Variants in GSE1 observed in about 807,000 individuals in gnomAD.
The protein encoded by GSE1 is Gse1 coiled-coil protein.
In GSE1, 32 loss-of-function variants were observed where a neutral mutation model predicts 112.6. The observed-to-expected ratio is 0.28, with a 90% CI of 0.21 to 0.38. GSE1 has a LOEUF of 0.38. GSE1 is among the 10% of genes least tolerant of loss of function. The pLI is 1.00. For synonymous variants in GSE1, 1,115 were observed against 735.6 expected, an observed-to-expected ratio of 1.52 and a Z score of -8.35; for missense variants, 2,348 against 1,699.2, an observed-to-expected ratio of 1.38 and a Z score of -6.71.
chr16:85,383,990 G>A (rs2047627321), intron 2 of GSE1, among the ~76,000 whole-genome samples: 1 of 152,104 alleles, frequency 6.6e-6, no homozygotes, highest in Non-Finnish European at 1.5e-5. Flanking sequence ...CTGCTTCAAA[G>A]CCTCTTGGGC....
At chr16:85,314,926 G>A (rs557711009) in intron 1 of GSE1, among the ~76,000 whole-genome samples, 11 of 152,300 alleles carry the variant, frequency 7.2e-5, no homozygotes, top group East Asian at 5.8e-4. Context: ...ACGGCCCTGC[G>A]TTTGCCATTT....
chr16:85,420,656 G>C (rs2048819322), intron 2 of GSE1, among the ~76,000 whole-genome samples: 1 of 152,184 alleles, frequency 6.6e-6, no homozygotes, highest in Admixed American at 6.5e-5. Context: ...GGCCCACCGG[G>C]CATGCTGGTG....
At chr16:85,249,438 G>C (rs1016545798) in intron 1 of GSE1, among the ~76,000 whole-genome samples, 1 of 152,240 alleles carries the variant, frequency 6.6e-6, no homozygotes, top group African/African-American at 2.4e-5. Flanking sequence ...CCCGAGGTGA[G>C]GCTGCCGTCA....
intron 1 of GSE1, among the ~76,000 whole-genome samples, chr16:85,572,524 G>A (rs901744740): frequency 8.0e-5 from 12 of 150,628 alleles, no homozygotes; most frequent in African/African-American, 1.5e-4. Context: ...CACACACACC[G>A]CACACACATA....
In GSE1 at chr16:85,646,383, G is replaced by A. The variant is rs146868710; in HGVS notation, c.227-2169G>A. On this transcript the variant is annotated intron_variant, in intron 2 of 15. Coordinates refer to ENST00000253458, the MANE Select transcript of GSE1 (RefSeq NM_014615.5). ...TCTGTCCCCGTGGGCCCAAGTGCAA[G>A]CTTGCACAGCTGCTGTGACACGGGG... is the stretch of plus-strand genomic sequence containing the variant. 9.8e-4 allele frequency among the ~76,000 whole-genome samples: 150 copies of A among 152,378 alleles called. 1 individual carries two copies. In the East Asian group the frequency reaches 0.021, roughly 21 times the overall value.
intron 1 of GSE1, among the ~76,000 whole-genome samples, chr16:85,295,192 G>T (rs1450939586): frequency 6.6e-6 from 1 of 152,146 alleles, no homozygotes; most frequent in East Asian, 1.9e-4. Flanking sequence ...TCCATGCCCC[G>T]CTTCCCAGGG....
intron 2 of GSE1, among the ~76,000 whole-genome samples, chr16:85,512,975 C>T (rs1163430301): frequency 2.6e-5 from 4 of 152,050 alleles, no homozygotes; most frequent in African/African-American, 7.3e-5. Flanking sequence ...GACCCTAAAC[C>T]CCAGCTGCCA....
intron 2 of GSE1, among the ~76,000 whole-genome samples, chr16:85,523,877 C>G (rs543529265): frequency 6.6e-6 from 1 of 152,184 alleles, no homozygotes; most frequent in African/African-American, 2.4e-5. Context: ...CTGCGGGAGG[C>G]GGGGTCAACA....
intron 1 of GSE1, among the ~76,000 whole-genome samples, chr16:85,622,409 G>A (rs1388766719): frequency 6.6e-6 from 1 of 152,216 alleles, no homozygotes; most frequent in Non-Finnish European, 1.5e-5. Context: ...CCTCTGTCCA[G>A]GCAGGTCATA....
intron 2 of GSE1, among the ~76,000 whole-genome samples, chr16:85,370,093 T>C (rs1217698585): frequency 1.1e-4 from 16 of 152,162 alleles, no homozygotes; most frequent in Admixed American, 1.0e-3. Flanking sequence ...AGGGGCTGGA[T>C]ACTGGCCGGA....
Position 85,189,459 on chromosome 16 carries a change from G to A in GSE1, c.2283+17652G>A, listed in dbSNP as rs568974970. Among the ~76,000 whole-genome samples the A allele has an allele frequency of 1.1e-4, 17 of 152,296 alleles. 1 individual carries two copies. In the South Asian group the frequency reaches 3.5e-3, roughly 32 times the overall value. On this transcript the variant is annotated intron_variant, in intron 1 of 2. Coordinates refer to the GSE1 transcript ENST00000637419. ...GCATTCCTGAAAAGCACTGCACTTG[G>A]CAAAATCACAGCTGGCAAGATCAAA...
In GSE1 at chr16:85,556,671, G is replaced by A. The variant is rs891183971; in HGVS notation, c.37+308G>A. Reference sequence around the variant, plus strand: ...CCGCGGCGGCGGAGCGAGCGGCCGAGGCACTTAAACCTTCCAAGGTGAAGT... The same window carrying A: ...CCGCGGCGGCGGAGCGAGCGGCCGAAGCACTTAAACCTTCCAAGGTGAAGT... On this transcript the variant is annotated intron_variant, in intron 1 of 2. Coordinates refer to the GSE1 transcript ENST00000635906. Among the ~76,000 whole-genome samples the A allele has an allele frequency of 5.3e-5, 8 of 150,974 alleles. 1 individual carries two copies. The highest frequency in any genetic ancestry group is 8.9e-5 in the Non-Finnish European group (6 of 67,590).
intron 2 of GSE1, among the ~76,000 whole-genome samples, chr16:85,388,644 G>GTGGATGGATGGA (rs113197005): frequency 2.0e-5 from 3 of 148,952 alleles, no homozygotes; most frequent in African/African-American, 7.5e-5. Flanking sequence ...AGGTGTGTGG[G>GTGGATGGATGGA]TGGATGGATG....
chr16:85,233,017 C>A (rs1417581857), intron 1 of GSE1, among the ~76,000 whole-genome samples: 1 of 152,230 alleles, frequency 6.6e-6, no homozygotes, highest in South Asian at 2.1e-4. Flanking sequence ...AGTCGGCAGT[C>A]GAGGGCAGGG....
chr16:85,245,702 G>A (rs1162409858), intron 1 of GSE1, among the ~76,000 whole-genome samples: 1 of 152,120 alleles, frequency 6.6e-6, no homozygotes, highest in Non-Finnish European at 1.5e-5. Context: ...AACAGATTGG[G>A]GACCTTTAAT....
Position 85,673,851 on chromosome 16 carries a change from T to A in GSE1, c.*1312T>A, listed in dbSNP as rs2053530769. The A allele has an allele frequency of 2.0e-5, 3 of 152,254 alleles. No individual in the cohort carries two copies. Among genetic ancestry groups the A allele is most frequent in the Admixed American group, 2.0e-4 (3 of 15,292 alleles). The allele number at this position is 152,254 out of a possible 1,614,324, so 9.4% of individuals were successfully genotyped here. On this transcript the variant is annotated 3_prime_UTR_variant, in exon 16 of 16. Transcript: ENST00000253458. ...ATGATTTCTGTGATTGATATAATTCTAAGGTGTCTGAGAGCAGGTACAGAA... is the reference window on the plus strand; with the variant it reads ...ATGATTTCTGTGATTGATATAATTCAAAGGTGTCTGAGAGCAGGTACAGAA...
exon 1 of GSE1, chr16:85,171,135 C>G: frequency 1.0e-6 from 1 of 985,678 alleles, no homozygotes; most frequent in Non-Finnish European, 1.2e-6. Flanking sequence ...GCCCCAAGTG[C>G]TTCAGCGTCC....
chr16:85,422,697 C>T (rs1235636735), intron 2 of GSE1, among the ~76,000 whole-genome samples: 3 of 152,078 alleles, frequency 2.0e-5, no homozygotes, highest in Non-Finnish European at 2.9e-5. Flanking sequence ...GAGATCCAGG[C>T]AGAGGCCCTG....
At chr16:85,629,752 A>G (rs552988425) in intron 1 of GSE1, among the ~76,000 whole-genome samples, 1 of 151,924 alleles carries the variant, frequency 6.6e-6, no homozygotes, top group South Asian at 2.1e-4. Flanking sequence ...TGTTTTGGAG[A>G]CTCTGGGTGA....
Sources: gnomAD v4.1 joint callset for allele counts (sites outside exome capture counted in the v4.1 genomes callset) on GRCh38, gnomAD v4.1.1 for gene constraint, MANE v1.5 for transcripts, NCBI Gene and HGNC (gene_info 2026-07-23, HGNC 2026-07-21) for gene names.